PTPRK: variants seen among roughly 807,000 people sequenced by gnomAD.
PTPRK encodes receptor-type tyrosine-protein phosphatase kappa.
PTPRK carries 75 observed loss-of-function variants against 178.0 expected under a neutral mutation model. That is an observed-to-expected ratio of 0.42 (90% CI 0.35 to 0.51). The LOEUF is 0.51. Among genes scored for constraint, PTPRK ranks in the 20% least tolerant of loss-of-function variants. The probability of loss-of-function intolerance (pLI) is 0.02; values close to 1 mark genes in which losing one functional copy is unlikely to be tolerated. For synonymous variants in PTPRK, 637 were observed against 620.6 expected (o/e 1.03, Z -0.39); for missense variants, 1,441 against 1,797.8 (o/e 0.80, Z 3.59).
intron 1 of PTPRK, among the ~76,000 whole-genome samples, chr6:128,453,241 G>A (rs1037341282): frequency 6.6e-6 from 1 of 152,120 alleles, no homozygotes. Context: ...TCTACAGGGG[G>A]AATGGGATTA....
chr6:128,229,230 G>A lies in PTPRK; in HGVS notation c.694-10134C>T, dbSNP rs961720545. On this transcript the variant is annotated intron_variant, in intron 5 of 29. Coordinates refer to ENST00000368226, the MANE Select transcript of PTPRK (RefSeq NM_002844.4). ...GCTATATGCTGACAATGGAGCTTTAGTACAAGTTTCAAAATAAAATGAGAT... is the reference window on the plus strand; with the variant it reads ...GCTATATGCTGACAATGGAGCTTTAATACAAGTTTCAAAATAAAATGAGAT... Among the ~76,000 whole-genome samples the A allele has an allele frequency of 2.0e-5, 3 of 152,266 alleles. No homozygotes were observed. In the South Asian group the frequency reaches 6.2e-4, roughly 32 times the overall value.
rs745686352 is a variant in PTPRK, at chr6:128,218,963, C to T, written c.827G>A (p.Arg276Gln). The T allele has an allele frequency of 2.7e-5, 43 of 1,613,910 alleles. No homozygotes were observed. Among genetic ancestry groups the T allele is most frequent in the East Asian group, 4.5e-5 (2 of 44,884 alleles). ...DLYRCVTQSE[R>Q]GSGVSNFAQL... The stretch of plus-strand genomic sequence containing the variant: ...AGCAAAATTGGACACACCGGAACCT[C>T]GTTCTGACTGAGTTACACAGCGATA... Residue 276 changes from arginine to glutamine, a missense_variant, in exon 6 of 30, where the codon CGA becomes CAA. By Grantham distance (43) the Arg-to-Gln change is conservative. This residue lies in a region of PTPRK where 945 missense variants were observed against 1,080.6 expected (regional missense o/e 0.87). Coordinates refer to ENST00000368226, the MANE Select transcript of PTPRK (RefSeq NM_002844.4).
intron 7 of PTPRK, among the ~76,000 whole-genome samples, chr6:128,098,672 C>T (rs780991465): frequency 7.9e-5 from 12 of 151,970 alleles, no homozygotes; most frequent in Non-Finnish European, 1.3e-4. Context: ...TATCTTCATT[C>T]GGTAAATTAC....
intron 2 of PTPRK, among the ~76,000 whole-genome samples, chr6:128,356,657 C>G (rs1438950948): frequency 6.6e-6 from 1 of 152,054 alleles, no homozygotes; most frequent in Non-Finnish European, 1.5e-5. Flanking sequence ...ATTTAGGTTT[C>G]TTTTCTTTCT....
intron 2 of PTPRK, among the ~76,000 whole-genome samples, chr6:128,322,977 G>A (rs1275414475): frequency 6.6e-6 from 1 of 152,050 alleles, no homozygotes; most frequent in East Asian, 1.9e-4. Flanking sequence ...TTCCCCACTT[G>A]GAGTCTCACC....
chr6:128,145,642 GTGTATTGTTT>G (rs1332515570), intron 7 of PTPRK, among the ~76,000 whole-genome samples: 3 of 151,974 alleles, frequency 2.0e-5, no homozygotes, highest in African/African-American at 7.3e-5. Flanking sequence ...ACAGTGCCAA[GTGTATTGTTT>G]TGAGGAGTTA....
chr6:128,249,761 C>T (rs2128288495), intron 3 of PTPRK, among the ~76,000 whole-genome samples: 1 of 152,104 alleles, frequency 6.6e-6, no homozygotes, highest in Non-Finnish European at 1.5e-5. Flanking sequence ...TGCTGGTACC[C>T]AAGTTCATCA....
intron 7 of PTPRK, among the ~76,000 whole-genome samples, chr6:128,161,613 T>C (rs980707105): frequency 1.3e-5 from 2 of 151,588 alleles, no homozygotes; most frequent in Non-Finnish European, 3.0e-5. Flanking sequence ...CAAATTTAAC[T>C]CTTATAAAAT....
chr6:128,004,175 G>A (rs79679712), intron 15 of PTPRK, among the ~76,000 whole-genome samples: 3,592 of 151,732 alleles, frequency 0.024, 72 homozygotes, highest in South Asian at 0.072. Context: ...ATATCTCTGC[G>A]ATCTGAGCCA....
chr6:127,989,404 T>G (rs1181638196), intron 21 of PTPRK, among the ~76,000 whole-genome samples: 1 of 152,050 alleles, frequency 6.6e-6, no homozygotes, highest in Non-Finnish European at 1.5e-5. Flanking sequence ...ATATTTTGCC[T>G]AATTTTTTCA....
chr6:128,362,173 G>C (rs1273035718), intron 2 of PTPRK, among the ~76,000 whole-genome samples: 1 of 152,156 alleles, frequency 6.6e-6, no homozygotes, highest in Non-Finnish European at 1.5e-5. Flanking sequence ...TGAGGCCTCA[G>C]AGAGCTTTTA....
intron 6 of PTPRK, among the ~76,000 whole-genome samples, chr6:128,213,844 A>T (rs1808711315): frequency 6.6e-6 from 1 of 152,104 alleles, no homozygotes; most frequent in African/African-American, 2.4e-5. Context: ...TCAAATGAAA[A>T]ATATTTACAC....
intron 7 of PTPRK, among the ~76,000 whole-genome samples, chr6:128,112,046 A>T (rs1452755955): frequency 6.6e-6 from 1 of 151,992 alleles, no homozygotes; most frequent in East Asian, 1.9e-4. Context: ...TGTTATTACC[A>T]CTCTTACTAT....
intron 7 of PTPRK, among the ~76,000 whole-genome samples, chr6:128,120,746 AT>A (rs1246165683): frequency 3.9e-5 from 6 of 151,906 alleles, no homozygotes; most frequent in Non-Finnish European, 8.9e-5. Flanking sequence ...TCCAGTTTAA[AT>A]TTTTTTAAGG....
At chr6:128,333,687 A>G (rs1409835477) in intron 2 of PTPRK, among the ~76,000 whole-genome samples, 1 of 152,194 alleles carries the variant, frequency 6.6e-6, no homozygotes, top group Non-Finnish European at 1.5e-5. Flanking sequence ...TCTCCTATCC[A>G]GACTACTAAA....
At chr6:127,998,390 A>G (rs895974441) in intron 16 of PTPRK, among the ~76,000 whole-genome samples, 7 of 152,098 alleles carry the variant, frequency 4.6e-5, no homozygotes, top group South Asian at 2.1e-4. Flanking sequence ...CAATGGAACA[A>G]TGGGACCCAA....
chr6:128,321,708 T>C (rs1224849236), intron 3 of PTPRK: 6 of 665,598 alleles, frequency 9.0e-6, no homozygotes, highest in Non-Finnish European at 1.6e-5. Flanking sequence ...TAGGAAAGAA[T>C]CTGTCAATAA....
intron 2 of PTPRK, among the ~76,000 whole-genome samples, chr6:128,360,577 T>A (rs1267775309): frequency 6.6e-6 from 1 of 152,184 alleles, no homozygotes; most frequent in Admixed American, 6.6e-5. Flanking sequence ...ATGAAGCCAG[T>A]AATTCACCTC....
intron 2 of PTPRK, among the ~76,000 whole-genome samples, chr6:128,333,734 C>G (rs1830566074): frequency 6.6e-6 from 1 of 152,152 alleles, no homozygotes; most frequent in Non-Finnish European, 1.5e-5. Context: ...GTTTCACTTT[C>G]TTATCATCTG....
Sources: gnomAD v4.1 joint callset for allele counts (sites outside exome capture counted in the v4.1 genomes callset) on GRCh38, gnomAD v4.1.1 for gene constraint, gnomAD v4.1.1 regional missense constraint, MANE v1.5 for transcripts, NCBI Gene and HGNC (gene_info 2026-07-23, HGNC 2026-07-21) for gene names.